DLG2: variants seen among roughly 807,000 people sequenced by gnomAD.
DLG2 encodes the protein disks large homolog 2.
Under a neutral mutation model 132.5 loss-of-function variants are expected in DLG2, and 45 were observed. The observed-to-expected ratio is 0.34, with a 90% CI of 0.27 to 0.44. The LOEUF is 0.44. Among genes scored for constraint, DLG2 ranks in the 20% least tolerant of loss-of-function variants. The pLI, the probability that DLG2 is intolerant of heterozygous loss-of-function variation, is 1.00. For synonymous variants in DLG2, 424 were observed against 419.6 expected (o/e 1.01, Z -0.13); for missense variants, 1,045 against 1,196.9 (o/e 0.87, Z 1.87).
chr11:85,519,743 A>C (rs1054497305), intron 3 of DLG2, among the ~76,000 whole-genome samples: 2 of 152,084 alleles, frequency 1.3e-5, no homozygotes, highest in Non-Finnish European at 2.9e-5. Flanking sequence ...TCTCATCTTG[A>C]ATTCCCACGT....
chr11:84,412,595 A>G (rs549552058), intron 7 of DLG2, among the ~76,000 whole-genome samples: 135 of 152,356 alleles, frequency 8.9e-4, no homozygotes, highest in African/African-American at 3.2e-3. Flanking sequence ...AGATAGATCC[A>G]ACCAATATGG....
At chr11:83,607,180 G>T (rs550369336) in intron 19 of DLG2, among the ~76,000 whole-genome samples, 10 of 152,220 alleles carry the variant, frequency 6.6e-5, no homozygotes, top group Non-Finnish European at 1.0e-4. Context: ...GGTTTGGATA[G>T]TTGGCTGCAT....
intron 3 of DLG2, among the ~76,000 whole-genome samples, chr11:85,536,529 A>T (rs1565651925): frequency 6.6e-6 from 1 of 152,186 alleles, no homozygotes; most frequent in Non-Finnish European, 1.5e-5. Flanking sequence ...GTGTTTGAGG[A>T]GCCCTTCACC....
At chr11:84,428,600 T>A (rs1423225466) in intron 7 of DLG2, among the ~76,000 whole-genome samples, 2 of 152,180 alleles carry the variant, frequency 1.3e-5, no homozygotes, top group South Asian at 2.1e-4. Flanking sequence ...AAGAAATCTG[T>A]CTCTTCCGCT....
intron 7 of DLG2, among the ~76,000 whole-genome samples, chr11:84,505,064 C>T (rs1372793041): frequency 6.6e-6 from 1 of 152,058 alleles, no homozygotes; most frequent in Non-Finnish European, 1.5e-5. Context: ...TTCATGAGAA[C>T]TAGCTTCGTT....
At chr11:84,044,850 AC>A (rs2096204368) in intron 11 of DLG2, among the ~76,000 whole-genome samples, 1 of 151,650 alleles carries the variant, frequency 6.6e-6, no homozygotes, top group African/African-American at 2.4e-5. Context: ...TTTGTCAATC[AC>A]CCGTACAATC....
chr11:84,422,745 T>A (rs1376722095), intron 7 of DLG2, among the ~76,000 whole-genome samples: 1 of 152,202 alleles, frequency 6.6e-6, no homozygotes, highest in East Asian at 1.9e-4. Context: ...TATATTACAA[T>A]ACCTTGTAAA....
chr11:85,524,609 C>A (rs1216759643), intron 3 of DLG2, among the ~76,000 whole-genome samples: 1 of 152,086 alleles, frequency 6.6e-6, no homozygotes, highest in East Asian at 1.9e-4. Flanking sequence ...TATCTTATCT[C>A]AGCTTCCCGA....
chr11:85,151,356 T>G (rs1326836560), intron 5 of DLG2, among the ~76,000 whole-genome samples: 1 of 148,582 alleles, frequency 6.7e-6, no homozygotes, highest in Non-Finnish European at 1.5e-5. Flanking sequence ...TGTACAGAAG[T>G]CTTTAAGTTT....
chr11:85,385,204 T>G (rs2086227670), intron 3 of DLG2, among the ~76,000 whole-genome samples: 1 of 152,186 alleles, frequency 6.6e-6, no homozygotes, highest in Admixed American at 6.5e-5. Context: ...TCTGAGTCAG[T>G]GGCTCTCAAA....
intron 8 of DLG2, among the ~76,000 whole-genome samples, chr11:84,220,211 T>C (rs919197900): frequency 6.6e-6 from 1 of 152,196 alleles, no homozygotes; most frequent in Admixed American, 6.5e-5. Flanking sequence ...ACTTCATAAC[T>C]TGAACTCTGG....
chr11:83,987,736 T>C lies in DLG2; in HGVS notation c.920-7094A>G, dbSNP rs954323774. On this transcript the variant is annotated intron_variant, in intron 11 of 27. Coordinates refer to ENST00000376104, the MANE Select transcript of DLG2 (RefSeq NM_001142699.3). ...GACTTAAACGTTAGACCTAAAACCATAAAAACCCTAGAAGAAAACCTAGGC... is the reference window on the plus strand; with the variant it reads ...GACTTAAACGTTAGACCTAAAACCACAAAAACCCTAGAAGAAAACCTAGGC... 6.6e-5 allele frequency among the ~76,000 whole-genome samples: 10 copies of C among 152,234 alleles called. No individual in the cohort carries two copies. In the East Asian group the frequency reaches 7.7e-4, roughly 12 times the overall value.
chr11:85,154,389 A>G (rs1402258915), intron 5 of DLG2, among the ~76,000 whole-genome samples, 167 bp downstream of exon 5: 1 of 152,204 alleles, frequency 6.6e-6, no homozygotes, highest in East Asian at 1.9e-4. Flanking sequence ...ATACACATTC[A>G]GTGTCAGCTC....
intron 6 of DLG2, among the ~76,000 whole-genome samples, chr11:84,591,087 C>T (rs1233856121): frequency 6.6e-6 from 1 of 152,086 alleles, no homozygotes; most frequent in Admixed American, 6.6e-5. Flanking sequence ...ATCCTCTGCT[C>T]CCTCCTATTA....
At chr11:83,483,138 ACT>A (rs2093256820) in intron 22 of DLG2, 1 of 810,236 alleles carries the variant, frequency 1.2e-6, no homozygotes, top group South Asian at 1.6e-5. Context: ...AACAAATAAA[ACT>A]CGTATCTTGT....
intron 5 of DLG2, among the ~76,000 whole-genome samples, chr11:85,154,005 G>A (rs2077428544): frequency 6.6e-6 from 1 of 151,850 alleles, no homozygotes; most frequent in Non-Finnish European, 1.5e-5. Flanking sequence ...ATCCCACTTA[G>A]GACTAATGAC....
intron 18 of DLG2, among the ~76,000 whole-genome samples, chr11:83,721,167 C>T (rs2088444797): frequency 6.6e-6 from 1 of 151,990 alleles, no homozygotes; most frequent in Non-Finnish European, 1.5e-5. Context: ...TAGCAGTTGG[C>T]CAAGCTATAA....
chr11:85,584,202 C>G (rs1047066940), intron 3 of DLG2, among the ~76,000 whole-genome samples: 1 of 152,076 alleles, frequency 6.6e-6, no homozygotes, highest in Admixed American at 6.6e-5. Context: ...TAGCTTGGTT[C>G]CCACTTATAA....
chr11:85,393,627 A>ATGTG (rs1361534752), intron 3 of DLG2, among the ~76,000 whole-genome samples: 6 of 101,828 alleles, frequency 5.9e-5, no homozygotes, highest in Non-Finnish European at 1.1e-4. Flanking sequence ...TATGGTATGC[A>ATGTG]TATGTGTGTG....
Sources: allele counts gnomAD v4.1 joint callset (sites outside exome capture counted in the v4.1 genomes callset), GRCh38; gene constraint gnomAD v4.1.1; transcripts MANE v1.5; gene names NCBI Gene and HGNC (gene_info 2026-07-23, HGNC 2026-07-21).